ANXA7: variants seen among roughly 807,000 people sequenced by gnomAD.
The protein encoded by ANXA7 is annexin A7.
Under a neutral mutation model 64.9 loss-of-function variants are expected in ANXA7, and 55 were observed. That is an observed-to-expected ratio of 0.85 (90% CI 0.68 to 1.06). The LOEUF is 1.06. ANXA7 is among the 50% of genes least tolerant of loss of function. The probability of loss-of-function intolerance (pLI) is 0.00; values close to 1 mark genes in which losing one functional copy is unlikely to be tolerated. For synonymous variants in ANXA7, 200 were observed against 192.4 expected (o/e 1.04, Z -0.33); for missense variants, 548 against 582.1 (o/e 0.94, Z 0.60).
chr10:73,405,104 G>A (rs2055732001), intron 1 of ANXA7, among the ~76,000 whole-genome samples: 1 of 152,122 alleles, frequency 6.6e-6, no homozygotes, highest in Non-Finnish European at 1.5e-5. Context: ...TTAGCCGGGT[G>A]TGGTGGCATG....
Position 73,402,829 on chromosome 10 carries a change from C to CTT in ANXA7, c.-1-1974_-1-1973dup, listed in dbSNP as rs113465435. Reference sequence around the variant, plus strand: ...CCATTCTTACATAAAAACTCTGTTTCTTTTTTTTTTTTTGAGTCGGAGTCT... The same window carrying CTT: ...CCATTCTTACATAAAAACTCTGTTTCTTTTTTTTTTTTTTTGAGTCGGAGTCT... On this transcript the variant is annotated intron_variant, in intron 1 of 12. Coordinates refer to ENST00000372921, the MANE Select transcript of ANXA7 (RefSeq NM_001156.5). Among the ~76,000 whole-genome samples the CTT allele has an allele frequency of 3.6e-3, 519 of 144,706 alleles. 4 individuals are homozygous for CTT. The highest frequency in any genetic ancestry group is 0.012 in the African/African-American group (495 of 39,668). 94.9% of individuals were successfully genotyped at this position (144,706 alleles called of 152,430 possible). A position where few individuals can be genotyped will look rare whatever the true frequency, so the allele number is the denominator to read the frequency against.
chr10:73,398,087 T>C (rs1157034047), intron 3 of ANXA7, 94 bp downstream of exon 3: 2 of 1,297,824 alleles, frequency 1.5e-6, no homozygotes, highest in African/African-American at 1.5e-5. Flanking sequence ...GACTTGACCT[T>C]ATACAAAACA....
At chr10:73,385,743 A>C (rs1276206151) in intron 7 of ANXA7, among the ~76,000 whole-genome samples, 1 of 152,150 alleles carries the variant, frequency 6.6e-6, no homozygotes, top group Non-Finnish European at 1.5e-5. Context: ...AGTGAGTCTG[A>C]TGTTGAAGCT....
chr10:73,375,895 T>C lies in ANXA7; in HGVS notation c.*200A>G, dbSNP rs376128047. On this transcript the variant is annotated 3_prime_UTR_variant, in exon 13 of 13. Transcript: ENST00000372921. ...TGTATCATTGTGATATGGCTTTACA[T>C]TGATTGTATGTAGAGAACAAAATAA... The C allele has an allele frequency of 4.9e-5, 19 of 389,644 alleles. No individual in the cohort carries two copies. The highest frequency in any genetic ancestry group is 2.0e-4 in the East Asian group (5 of 24,852). The allele number at this position is 389,644 out of a possible 1,614,324, so 24.1% of individuals were successfully genotyped here.
At chr10:73,383,412 CA>C in intron 8 of ANXA7, 67 bp from the exon 9 acceptor site, 1 of 1,462,440 alleles carries the variant, frequency 6.8e-7, no homozygotes, top group Non-Finnish European at 9.3e-7. Context: ...AAATCTTCGT[CA>C]AATATTTCTT....
chr10:73,400,915 T>C, intron 1 of ANXA7, 58 bp from the exon 2 acceptor site: 2 of 1,484,790 alleles, frequency 1.3e-6, no homozygotes, highest in Non-Finnish European at 9.2e-7. Flanking sequence ...TTTTGTTTTG[T>C]TTTGTTTTTT....
chr10:73,405,235 T>TCC, intron 1 of ANXA7, among the ~76,000 whole-genome samples: 1 of 138,740 alleles, frequency 7.2e-6, no homozygotes, highest in Admixed American at 7.3e-5. Context: ...AGAGCAATAC[T>TCC]GTCTCAAAAA....
At chr10:73,405,215 C>G (rs1479046243) in intron 1 of ANXA7, among the ~76,000 whole-genome samples, 2 of 149,448 alleles carry the variant, frequency 1.3e-5, no homozygotes, top group Admixed American at 1.3e-4. Context: ...TGCACTCCAG[C>G]CTGGGCCACA....
chr10:73,383,716 GTA>G (rs2055312989), intron 7 of ANXA7, 26 bp from the exon 8 acceptor site: 1 of 1,422,674 alleles, frequency 7.0e-7, no homozygotes. Context: ...TACAAGCTAA[GTA>G]TATGTGTTCT....
intron 9 of ANXA7, among the ~76,000 whole-genome samples, chr10:73,382,785 C>T (rs2132656564): frequency 6.6e-6 from 1 of 152,274 alleles, no homozygotes; most frequent in East Asian, 1.9e-4. Flanking sequence ...TTCTGCATTT[C>T]TGGGTCTCCT....
intron 5 of ANXA7, among the ~76,000 whole-genome samples, chr10:73,395,678 C>G (rs1471403575): frequency 6.6e-6 from 1 of 151,844 alleles, no homozygotes; most frequent in Non-Finnish European, 1.5e-5. Context: ...CCCAGTTACT[C>G]CGGAGGCTGA....
intron 12 of ANXA7, among the ~76,000 whole-genome samples, chr10:73,378,441 AGT>A (rs1391346528): frequency 6.6e-6 from 1 of 151,798 alleles, no homozygotes; most frequent in African/African-American, 2.4e-5. Context: ...ATTTTTTGTA[AGT>A]GGAGTAAATA....
Position 73,397,144 on chromosome 10 carries a change from T to A in ANXA7, c.370+20A>T. On this transcript the variant is annotated intron_variant, in intron 4 of 12. Transcript: ENST00000372921. ...TCAAAATATCATGATACTGTTTTTT[T>A]CTGGACAGCTGGTACCTACCAGGTA... 2.8e-6 allele frequency: 4 copies of A among 1,408,454 alleles called. No homozygotes were observed. Among genetic ancestry groups the A allele is most frequent in the Non-Finnish European group, 3.8e-6 (4 of 1,047,190 alleles). 87.2% of individuals were successfully genotyped at this position (1,408,454 alleles called of 1,614,324 possible). A position where few individuals can be genotyped will look rare whatever the true frequency, so the allele number is the denominator to read the frequency against.
intron 7 of ANXA7, among the ~76,000 whole-genome samples, chr10:73,384,238 T>C (rs1392748614): frequency 6.6e-6 from 1 of 152,202 alleles, no homozygotes; most frequent in Non-Finnish European, 1.5e-5. Flanking sequence ...AATAAACATT[T>C]AATAAAATCT....
intron 5 of ANXA7, among the ~76,000 whole-genome samples, chr10:73,394,259 G>A (rs546497462): frequency 6.6e-6 from 1 of 152,310 alleles, no homozygotes; most frequent in South Asian, 2.1e-4. Flanking sequence ...TTACACTGTT[G>A]GTGGGACTGT....
chr10:73,395,821 C>CA, intron 5 of ANXA7: 1 of 625,392 alleles, frequency 1.6e-6, no homozygotes, highest in Admixed American at 2.2e-5. Context: ...CGGAGTAGGG[C>CA]AAATATTTGA....
At chr10:73,381,357 G>T (rs914305660) in intron 9 of ANXA7, 2 of 152,210 alleles carry the variant, frequency 1.3e-5, no homozygotes, top group South Asian at 4.1e-4. Flanking sequence ...AAGAAAGGAA[G>T]GAGGAAGGAA....
At chr10:73,411,628 C>T (rs543190230) in intron 1 of ANXA7, among the ~76,000 whole-genome samples, 2 of 152,216 alleles carry the variant, frequency 1.3e-5, no homozygotes, top group South Asian at 4.1e-4. Flanking sequence ...GACAGGGTTT[C>T]ATCATGTTGG....
chr10:73,378,377 C>CA (rs755093944), intron 12 of ANXA7, among the ~76,000 whole-genome samples: 2,844 of 58,942 alleles, frequency 0.048, 77 homozygotes, highest in Non-Finnish European at 0.077. Flanking sequence ...GACCATGTCT[C>CA]AAAAAAAAAA....
Sources: gnomAD v4.1 joint callset for allele counts (sites outside exome capture counted in the v4.1 genomes callset) on GRCh38, gnomAD v4.1.1 for gene constraint, MANE v1.5 for transcripts, NCBI Gene and HGNC (gene_info 2026-07-23, HGNC 2026-07-21) for gene names.